Variants in CSNK1G3 observed in about 807,000 individuals in gnomAD.
CSNK1G3 encodes the protein casein kinase 1 gamma 3, also known as casein kinase I isoform gamma-3.
CSNK1G3 carries 23 observed loss-of-function variants against 64.3 expected under a neutral mutation model. The observed-to-expected ratio is 0.36, with a 90% CI of 0.26 to 0.51. The LOEUF is 0.51. Ranked by LOEUF, CSNK1G3 falls within the 20% of genes least tolerant of loss-of-function variation. CSNK1G3 has a pLI of 0.96. For missense variants in CSNK1G3, 357 were observed against 510.5 expected (o/e 0.70, Z 2.90); for synonymous variants, 158 against 162.2 (o/e 0.97, Z 0.20).
At chr5:123,589,088 G>A (rs1235261117) in intron 8 of CSNK1G3, among the ~76,000 whole-genome samples, 5 of 152,058 alleles carry the variant, frequency 3.3e-5, no homozygotes, top group Non-Finnish European at 7.4e-5. Context: ...AGAATAACTT[G>A]TTAGTATATT....
intron 4 of CSNK1G3, among the ~76,000 whole-genome samples, chr5:123,571,930 A>G (rs1328112376): frequency 6.6e-6 from 1 of 152,252 alleles, no homozygotes; most frequent in East Asian, 1.9e-4. Flanking sequence ...CAATGGGAAT[A>G]TATGTGAGTA....
intron 11 of CSNK1G3, among the ~76,000 whole-genome samples, chr5:123,605,119 T>C (rs536487355): frequency 7.9e-5 from 12 of 152,224 alleles, no homozygotes; most frequent in African/African-American, 2.6e-4. Flanking sequence ...ATGAAAGTTA[T>C]TGATGTACTA....
intron 11 of CSNK1G3, 72 bp downstream of exon 12, chr5:123,604,902 A>G: frequency 1.7e-6 from 2 of 1,194,184 alleles, no homozygotes; most frequent in Non-Finnish European, 2.4e-6. Flanking sequence ...TTATAGTTAC[A>G]TACAATTATT....
chr5:123,538,429 T>C (rs182196343), intron 1 of CSNK1G3, among the ~76,000 whole-genome samples: 2 of 152,344 alleles, frequency 1.3e-5, no homozygotes, highest in Admixed American at 1.3e-4. Context: ...CAAGTAATGA[T>C]ACTGAGCAGT....
At chr5:123,552,329 A>G (rs911975629) in intron 2 of CSNK1G3, among the ~76,000 whole-genome samples, 1 of 151,964 alleles carries the variant, frequency 6.6e-6, no homozygotes, top group Admixed American at 6.6e-5. Context: ...TATTTTTAGT[A>G]GAGACAGGAT....
intron 4 of CSNK1G3, among the ~76,000 whole-genome samples, chr5:123,565,379 A>G (rs553696685): frequency 1.3e-5 from 2 of 152,224 alleles, no homozygotes; most frequent in African/African-American, 4.8e-5. Flanking sequence ...ATCTAGGAGT[A>G]TAAGCATTTG....
At chr5:123,542,175 G>A (rs1404303854) in intron 1 of CSNK1G3, among the ~76,000 whole-genome samples, 1 of 151,956 alleles carries the variant, frequency 6.6e-6, no homozygotes, top group East Asian at 1.9e-4. Context: ...ATACATTGTG[G>A]AATAGCTAAA....
intron 6 of CSNK1G3, among the ~76,000 whole-genome samples, chr5:123,587,609 A>G (rs1050113081): frequency 1.3e-5 from 2 of 152,218 alleles, no homozygotes; most frequent in Non-Finnish European, 2.9e-5. Context: ...ATCGTGTTTA[A>G]TTTAATGGAG....
At chr5:123,581,369 T>TG (rs925074509) in intron 6 of CSNK1G3, among the ~76,000 whole-genome samples, 3 of 146,364 alleles carry the variant, frequency 2.0e-5, no homozygotes, top group African/African-American at 7.5e-5. Flanking sequence ...TGTTTTTTTT[T>TG]TTTTTTTTTT....
At chr5:123,578,494 A>G (rs1477859816) in intron 6 of CSNK1G3, among the ~76,000 whole-genome samples, 1 of 151,866 alleles carries the variant, frequency 6.6e-6, no homozygotes, top group Non-Finnish European at 1.5e-5. Context: ...TTCTTTATAT[A>G]TTCTGGGTAT....
chr5:123,526,417 C>T (rs1463067780), intron 1 of CSNK1G3, among the ~76,000 whole-genome samples: 1 of 151,832 alleles, frequency 6.6e-6, no homozygotes, highest in Non-Finnish European at 1.5e-5. Context: ...GGTGGCCAGA[C>T]AGTTTTGTTA....
At chr5:123,519,087 C>T (rs1777656418) in intron 1 of CSNK1G3, among the ~76,000 whole-genome samples, 1 of 151,602 alleles carries the variant, frequency 6.6e-6, no homozygotes, top group Non-Finnish European at 1.5e-5. Flanking sequence ...GAGTTTTACT[C>T]TTGTTTCCCA....
At chr5:123,602,641 A>C (rs960281471) in intron 10 of CSNK1G3, among the ~76,000 whole-genome samples, 2 of 152,160 alleles carry the variant, frequency 1.3e-5, no homozygotes, top group African/African-American at 4.8e-5. Flanking sequence ...GGAGGGCTTT[A>C]ACTGAAATGG....
chr5:123,610,348 G>A (rs1240973637), intron 12 of CSNK1G3, among the ~76,000 whole-genome samples: 1 of 152,164 alleles, frequency 6.6e-6, no homozygotes, highest in Non-Finnish European at 1.5e-5. Flanking sequence ...CCCAGGTCAG[G>A]AGAAACTAGG....
chr5:123,526,139 G>A (rs954800719), intron 1 of CSNK1G3, among the ~76,000 whole-genome samples: 1 of 152,096 alleles, frequency 6.6e-6, no homozygotes, highest in Admixed American at 6.5e-5. Context: ...CTGGGCTCAG[G>A]TGATACTCCC....
At position 123,521,824 on chromosome 5, in the gene CSNK1G3, T is replaced by A. The variant is rs539158267; in HGVS notation, c.-248+9254T>A. On this transcript the variant is annotated intron_variant, in intron 1 of 12. Coordinates refer to ENST00000345990, the Ensembl canonical transcript of CSNK1G3. The stretch of plus-strand genomic sequence containing the variant: ...TGGAGAAAGTTTTTACTAGTGGTTC[T>A]TGGCCCGAGTTCATATTACAGTTTT... Among the ~76,000 whole-genome samples the A allele has an allele frequency of 2.0e-5, 3 of 152,242 alleles. No individual in the cohort carries two copies. The South Asian group carries it at 6.2e-4, about 32-fold the overall frequency.
At chr5:123,593,572 G>T (rs753776404) in intron 10 of CSNK1G3, among the ~76,000 whole-genome samples, 12 of 151,900 alleles carry the variant, frequency 7.9e-5, no homozygotes, top group African/African-American at 2.9e-4. Flanking sequence ...AAAATATTGC[G>T]CATTGCCCTA....
In CSNK1G3 at chr5:123,590,620, A is replaced by G. The variant is rs180714978; in HGVS notation, c.990+62A>G. The stretch of plus-strand genomic sequence containing the variant: ...TCTGTTGCCTTTTTAATAGTACAAT[A>G]TCTTCAATTGAAAAGAGTTGAGAAC... On this transcript the variant is annotated intron_variant, in intron 9 of 12. Coordinates refer to ENST00000345990, the Ensembl canonical transcript of CSNK1G3. The G allele has an allele frequency of 8.4e-5, 84 of 995,794 alleles. No individual in the cohort carries two copies. In the East Asian group the frequency reaches 2.3e-3, roughly 27 times the overall value. 61.7% of individuals were successfully genotyped at this position (995,794 alleles called of 1,614,324 possible). A position where few individuals can be genotyped will look rare whatever the true frequency, so the allele number is the denominator to read the frequency against.
chr5:123,595,361 A>G (rs928796647), intron 10 of CSNK1G3, among the ~76,000 whole-genome samples: 1 of 152,180 alleles, frequency 6.6e-6, no homozygotes, highest in African/African-American at 2.4e-5. Flanking sequence ...TTGCAACTAT[A>G]TGCTACAATA....
Sources: allele counts gnomAD v4.1 joint callset (sites outside exome capture counted in the v4.1 genomes callset), GRCh38; gene constraint gnomAD v4.1.1; transcripts MANE v1.5; gene names NCBI Gene and HGNC (gene_info 2026-07-23, HGNC 2026-07-21).